Variants in APBB2 observed in about 807,000 individuals in gnomAD.
The protein encoded by APBB2 is amyloid beta precursor protein binding family B member 2, also known as Fe65-like 1.
Under a neutral mutation model 82.5 loss-of-function variants are expected in APBB2, and 38 were observed. That is an observed-to-expected ratio of 0.46 (90% CI 0.36 to 0.60). APBB2 has a LOEUF of 0.60. Ranked by LOEUF, APBB2 falls within the 20% of genes least tolerant of loss-of-function variation. The pLI is 0.00. For synonymous variants in APBB2, 341 were observed against 368.2 expected (o/e 0.93, Z 0.85); for missense variants, 772 against 972.3 (o/e 0.79, Z 2.74).
chr4:40,846,037 T>C lies in APBB2; in HGVS notation c.1530-15460A>G, dbSNP rs2465536. 3.4e-3 allele frequency among the ~76,000 whole-genome samples: 497 copies of C among 145,102 alleles called. 8 individuals carry two copies. The highest frequency in any genetic ancestry group is 0.012 in the African/African-American group (475 of 38,988). On this transcript the variant is annotated intron_variant, in intron 12 of 17. Transcript: ENST00000508593. Reference sequence around the variant, plus strand: ...TGGGGTGTGTGTGTGTGTGTGTGTGTGTGTGTGTGTCATTTATCAGCTGTC... The same window carrying C: ...TGGGGTGTGTGTGTGTGTGTGTGTGCGTGTGTGTGTCATTTATCAGCTGTC...
chr4:40,991,010 C>CTTTTTTT lies in APBB2; in HGVS notation c.835+22572_835+22573insAAAAAAA, dbSNP rs1491223078. Among the ~76,000 whole-genome samples, 71 of 128,680 alleles carry CTTTTTTT rather than the reference C, an allele frequency of 5.5e-4. 2 individuals are homozygous for CTTTTTTT. Among genetic ancestry groups the CTTTTTTT allele is most frequent in the South Asian group, 1.1e-3 (4 of 3,638 alleles). 84.4% of individuals were successfully genotyped at this position (128,680 alleles called of 152,430 possible). A position where few individuals can be genotyped will look rare whatever the true frequency, so the allele number is the denominator to read the frequency against. On this transcript the variant is annotated intron_variant, in intron 6 of 17. Transcript: ENST00000508593. ...TTTCTGGTCATTTTGGACTGAGTTT[C>CTTTTTTT]ATTTTTTTTTTTTTTGGAGGCAAGG...
chr4:41,045,939 G>GT (rs1438918576), intron 4 of APBB2, among the ~76,000 whole-genome samples: 1 of 151,976 alleles, frequency 6.6e-6, no homozygotes, highest in Non-Finnish European at 1.5e-5. Flanking sequence ...GCCTTCTGAT[G>GT]TTTTATAAGT....
chr4:40,829,518 C>G (rs1241745724), intron 13 of APBB2, among the ~76,000 whole-genome samples: 1 of 152,168 alleles, frequency 6.6e-6, no homozygotes, highest in African/African-American at 2.4e-5. Context: ...ATTGGGGGAC[C>G]TTTCTCTGCT....
chr4:40,897,694 C>G (rs11734819), intron 10 of APBB2, among the ~76,000 whole-genome samples: 83,266 of 151,676 alleles, frequency 0.55, 23,017 homozygotes, highest in East Asian at 0.72. Flanking sequence ...CAGGTGTAAG[C>G]GGGACTAGGC....
chr4:40,902,197 A>G (rs1335819867), intron 10 of APBB2, among the ~76,000 whole-genome samples: 1 of 152,044 alleles, frequency 6.6e-6, no homozygotes, highest in Non-Finnish European at 1.5e-5. Flanking sequence ...AATAATGTTA[A>G]GTAAGGATTT....
intron 4 of APBB2, among the ~76,000 whole-genome samples, chr4:41,062,737 C>T (rs1376692870): frequency 1.3e-5 from 2 of 152,170 alleles, no homozygotes; most frequent in African/African-American, 4.8e-5. Flanking sequence ...CACAAAGTGA[C>T]AAGCTCAGCA....
At chr4:40,992,060 A>T (rs1802257821) in intron 6 of APBB2, among the ~76,000 whole-genome samples, 1 of 152,170 alleles carries the variant, frequency 6.6e-6, no homozygotes, top group Admixed American at 6.5e-5. Context: ...TAAGGCTAAA[A>T]ATACTACAGA....
At chr4:41,190,158 T>C (rs182498643) in intron 1 of APBB2, among the ~76,000 whole-genome samples, 28 of 152,116 alleles carry the variant, frequency 1.8e-4, no homozygotes, top group Middle Eastern at 3.4e-3. Flanking sequence ...GTCCCATAGT[T>C]TAACATACTG....
intron 4 of APBB2, among the ~76,000 whole-genome samples, chr4:41,052,775 T>C (rs1365764867): frequency 8.0e-6 from 1 of 124,302 alleles, no homozygotes; most frequent in Non-Finnish European, 1.5e-5. Context: ...TCTTTCTTCT[T>C]TTTTTTTTTT....
chr4:40,826,919 C>G lies in APBB2; in HGVS notation c.1732+213G>C, dbSNP rs1750141992. 1 of 490,412 alleles carries G rather than the reference C, an allele frequency of 2.0e-6. No individual in the cohort carries two copies. The highest frequency in any genetic ancestry group is 2.0e-5 in the African/African-American group (1 of 50,422). The allele number at this position is 490,412 out of a possible 1,614,324, so 30.4% of individuals were successfully genotyped here. A position where few individuals can be genotyped will look rare whatever the true frequency, so the allele number is the denominator to read the frequency against. ...AATATTCTTTAATCTTGTCCAATAA[C>G]AACAAAACTCATCCTGGCTTTATGC... On this transcript the variant is annotated intron_variant, in intron 14 of 17. Coordinates refer to ENST00000508593, the MANE Select transcript of APBB2 (RefSeq NM_004307.2). This position sits in a 1 kb window ranked among gnomAD's most constrained non-coding sequence, Gnocchi z 4.5.
intron 7 of APBB2, 53 bp from the exon 8 acceptor site, chr4:40,935,192 GAAAAGAAAAGA>G: frequency 9.9e-7 from 1 of 1,005,780 alleles, no homozygotes; most frequent in Non-Finnish European, 1.3e-6. Context: ...TAAAGAAAAA[GAAAAGAAAAGA>G]AAAAAAAAAA....
intron 12 of APBB2, among the ~76,000 whole-genome samples, chr4:40,873,259 C>A (rs1380555393): frequency 6.6e-6 from 1 of 152,130 alleles, no homozygotes; most frequent in Admixed American, 6.5e-5. Context: ...AACTTAAGAT[C>A]TATATCTCCT....
intron 10 of APBB2, among the ~76,000 whole-genome samples, chr4:40,905,508 C>A (rs1198159648): frequency 6.6e-6 from 1 of 152,190 alleles, no homozygotes; most frequent in African/African-American, 2.4e-5. Flanking sequence ...AGGATTCTTT[C>A]AAAGCAGATG....
intron 12 of APBB2, among the ~76,000 whole-genome samples, chr4:40,882,401 G>A (rs756853689): frequency 1.3e-5 from 2 of 152,200 alleles, no homozygotes; most frequent in Non-Finnish European, 2.9e-5. Context: ...CCAGGGCCAG[G>A]ACCTAGACTT....
intron 3 of APBB2, among the ~76,000 whole-genome samples, chr4:41,088,674 G>A (rs1740691388): frequency 6.6e-6 from 1 of 152,202 alleles, no homozygotes; most frequent in Non-Finnish European, 1.5e-5. Context: ...GGATTGGATG[G>A]TCTAAACCAG....
chr4:40,888,044 G>A (rs190704604), intron 12 of APBB2, among the ~76,000 whole-genome samples: 3 of 152,246 alleles, frequency 2.0e-5, no homozygotes, highest in East Asian at 1.9e-4. Flanking sequence ...GTCTCCCTGC[G>A]GTCTGACTCC....
At chr4:41,115,004 C>T (rs1170700968) in intron 2 of APBB2, among the ~76,000 whole-genome samples, 2 of 152,064 alleles carry the variant, frequency 1.3e-5, no homozygotes, top group Admixed American at 1.3e-4. Flanking sequence ...AAAAAGAGCC[C>T]GTATACCCAA....
chr4:40,903,396 G>A (rs1775865943), intron 10 of APBB2, among the ~76,000 whole-genome samples: 1 of 152,218 alleles, frequency 6.6e-6, no homozygotes, highest in South Asian at 2.1e-4. Flanking sequence ...GAACTCAGGA[G>A]GCAGAGGTTG....
chr4:41,003,303 C>G (rs1805743652), intron 6 of APBB2, among the ~76,000 whole-genome samples: 1 of 152,120 alleles, frequency 6.6e-6, no homozygotes, highest in Non-Finnish European at 1.5e-5. Flanking sequence ...CTCACAAGAC[C>G]TGCAACTATG....
Sources: gnomAD v4.1 joint callset for allele counts (sites outside exome capture counted in the v4.1 genomes callset) on GRCh38, gnomAD v4.1.1 for gene constraint, Gnocchi (gnomAD v3.1) non-coding constraint, MANE v1.5 for transcripts, NCBI Gene and HGNC (gene_info 2026-07-23, HGNC 2026-07-21) for gene names.